The following TNFRSF21 variants were observed in gnomAD, a reference collection of about 807,000 sequenced individuals.
TNFRSF21 encodes the protein TNF receptor superfamily member 21.
Under a neutral mutation model 45.6 loss-of-function variants are expected in TNFRSF21, and 19 were observed. The ratio of observed to expected loss-of-function variants is 0.42; its 90% confidence interval spans 0.29 to 0.61. The LOEUF (loss-of-function observed/expected upper bound fraction) is 0.61, where lower values mean the gene tolerates loss of function less well. Among genes scored for constraint, TNFRSF21 ranks in the 20% least tolerant of loss-of-function variants. The pLI is 0.23. For missense variants in TNFRSF21, 737 were observed against 851.5 expected, an observed-to-expected ratio of 0.87 and a Z score of 1.67; for synonymous variants, 314 against 335.5, an observed-to-expected ratio of 0.94 and a Z score of 0.70.
In TNFRSF21 at chr6:47,286,174, C is replaced by T. The variant is rs770180427; in HGVS notation, c.518G>A (p.Arg173Gln). The change falls in exon 2 of 6, where the codon CGG (arginine) becomes CAG (glutamine). Residue 173 changes from arginine to glutamine, a missense_variant. Coordinates refer to ENST00000296861, the MANE Select transcript of TNFRSF21 (RefSeq NM_014452.5). The stretch of plus-strand genomic sequence containing the variant: ...AGAAGGCACATCTGAGAAGGTACCC[C>T]GAGCACACTGCTTACACCGCACATC... The part of the protein sequence containing the change: ...TEDVRCKQCA[R>Q]GTFSDVPSSV... The T allele has an allele frequency of 8.7e-6, 14 of 1,614,094 alleles. 1 individual carries two copies. The highest frequency in any genetic ancestry group is 5.5e-5 in the South Asian group (5 of 91,090).
chr6:47,293,464 G>C (rs192276628), intron 1 of TNFRSF21, among the ~76,000 whole-genome samples: 21 of 152,302 alleles, frequency 1.4e-4, no homozygotes, highest in African/African-American at 4.6e-4. Context: ...CTTATGGCCT[G>C]CAAACTTAAA....
At chr6:47,299,190 G>T (rs190485442) in intron 1 of TNFRSF21, among the ~76,000 whole-genome samples, 9 of 152,046 alleles carry the variant, frequency 5.9e-5, no homozygotes, top group Non-Finnish European at 7.4e-5. Context: ...AAAGAAAAAG[G>T]TTTAAAAATA....
At chr6:47,234,274 G>GC (rs1212403274) in intron 5 of TNFRSF21, among the ~76,000 whole-genome samples, 1 of 152,148 alleles carries the variant, frequency 6.6e-6, no homozygotes, top group Non-Finnish European at 1.5e-5. Context: ...GCTGCGCACG[G>GC]CCTAAAACCT....
intron 4 of TNFRSF21, among the ~76,000 whole-genome samples, chr6:47,249,773 A>G (rs555087968): frequency 4.6e-5 from 7 of 152,330 alleles, no homozygotes; most frequent in African/African-American, 1.7e-4. Context: ...AATGGTAAAA[A>G]GTACACATTT....
rs373034736 is a variant in TNFRSF21, at chr6:47,275,492, C to T, written c.1243+8446G>A. Among the ~76,000 whole-genome samples, 25 of 152,070 alleles carry T rather than the reference C, an allele frequency of 1.6e-4. 1 individual carries two copies. In the South Asian group the frequency reaches 3.3e-3, roughly 20 times the overall value. ...ACACAGGGTGGGGAACATCACCCACCGGGGCCTGTTGGGGGGTGGCGGACT... is the reference window on the plus strand; with the variant it reads ...ACACAGGGTGGGGAACATCACCCACTGGGGCCTGTTGGGGGGTGGCGGACT... On this transcript the variant is annotated intron_variant, in intron 3 of 5. Coordinates refer to ENST00000296861, the MANE Select transcript of TNFRSF21 (RefSeq NM_014452.5).
intron 4 of TNFRSF21, among the ~76,000 whole-genome samples, chr6:47,248,697 T>C (rs1050207617): frequency 1.3e-5 from 2 of 152,346 alleles, no homozygotes; most frequent in East Asian, 3.9e-4. Flanking sequence ...TGAACCCAGA[T>C]AGCACTTCCT....
At chr6:47,244,728 T>A (rs919954949) in intron 4 of TNFRSF21, among the ~76,000 whole-genome samples, 1 of 152,200 alleles carries the variant, frequency 6.6e-6, no homozygotes, top group Admixed American at 6.5e-5. Flanking sequence ...GGCAATTGTT[T>A]ATTAAAAAAC....
At chr6:47,301,158 TG>T (rs1177284126) in intron 1 of TNFRSF21, among the ~76,000 whole-genome samples, 19 of 152,378 alleles carry the variant, frequency 1.2e-4, no homozygotes, top group Admixed American at 1.2e-3. Context: ...TGAGATGTAA[TG>T]CTAGCTCCAA....
chr6:47,252,154 G>A (rs990298344), intron 4 of TNFRSF21, among the ~76,000 whole-genome samples: 14 of 152,198 alleles, frequency 9.2e-5, no homozygotes, highest in Admixed American at 5.2e-4. Flanking sequence ...ATACTTAAAC[G>A]TAAGTATAAA....
chr6:47,261,857 T>C (rs1433948458), intron 3 of TNFRSF21, among the ~76,000 whole-genome samples: 2 of 152,234 alleles, frequency 1.3e-5, no homozygotes, highest in South Asian at 2.1e-4. Flanking sequence ...CTGTGTTTCA[T>C]AGTAACCAGT....
At chr6:47,272,569 A>T (rs890225627) in intron 3 of TNFRSF21, among the ~76,000 whole-genome samples, 1 of 152,248 alleles carries the variant, frequency 6.6e-6, no homozygotes, top group Non-Finnish European at 1.5e-5. Context: ...AGCAGGAAAG[A>T]TCTAAAATCA....
intron 3 of TNFRSF21, among the ~76,000 whole-genome samples, chr6:47,278,971 A>T (rs1280383705): frequency 2.6e-5 from 4 of 152,190 alleles, no homozygotes; most frequent in Non-Finnish European, 4.4e-5. Context: ...GGTTTAAACG[A>T]GGTATACCCA....
chr6:47,254,017 A>C (rs1341312011), intron 3 of TNFRSF21, among the ~76,000 whole-genome samples: 1 of 152,090 alleles, frequency 6.6e-6, no homozygotes, highest in African/African-American at 2.4e-5. Flanking sequence ...CTCAGCATAC[A>C]ATTGACTTTT....
intron 3 of TNFRSF21, among the ~76,000 whole-genome samples, chr6:47,263,944 A>G (rs144533579): frequency 1.6e-3 from 248 of 152,326 alleles, no homozygotes; most frequent in Middle Eastern, 0.01. Flanking sequence ...TTAAAATTTG[A>G]CACAACATCA....
chr6:47,294,607 C>T (rs1762770915), intron 1 of TNFRSF21, among the ~76,000 whole-genome samples: 1 of 152,198 alleles, frequency 6.6e-6, no homozygotes, highest in Non-Finnish European at 1.5e-5. Context: ...AACAGAACTA[C>T]AAATGGCTTA....
rs117103849 is a variant in TNFRSF21, at chr6:47,275,898, C to T, written c.1243+8040G>A. The stretch of plus-strand genomic sequence containing the variant: ...CTCTGACTGGCAGCGCAGTGTTCTC[C>T]ACCCTACAGCACATTGCAGGACCCC... On this transcript the variant is annotated intron_variant, in intron 3 of 5. Coordinates refer to ENST00000296861, the MANE Select transcript of TNFRSF21 (RefSeq NM_014452.5). Among the ~76,000 whole-genome samples the T allele has an allele frequency of 1.1e-4, 17 of 152,254 alleles. No individual in the cohort carries two copies. In the East Asian group the frequency reaches 3.3e-3, roughly 29 times the overall value.
At chr6:47,242,381 G>A (rs1277306692) in intron 4 of TNFRSF21, among the ~76,000 whole-genome samples, 1 of 152,194 alleles carries the variant, frequency 6.6e-6, no homozygotes, top group Non-Finnish European at 1.5e-5. Context: ...AATCAAGGTA[G>A]TTGGCTATAA....
At chr6:47,251,118 C>G (rs2113849052) in intron 4 of TNFRSF21, among the ~76,000 whole-genome samples, 1 of 152,204 alleles carries the variant, frequency 6.6e-6, no homozygotes, top group Middle Eastern at 3.4e-3. Context: ...CAGTCCCAAG[C>G]ATATCAGATA....
rs1319621285 is a variant in TNFRSF21, at chr6:47,232,197, C to T, written c.*568G>A. On this transcript the variant is annotated 3_prime_UTR_variant, in exon 6 of 6. Coordinates refer to ENST00000296861, the MANE Select transcript of TNFRSF21 (RefSeq NM_014452.5). The stretch of plus-strand genomic sequence containing the variant: ...TCAAAGTTGAATTGCATTACAGTAA[C>T]TCAATGGGGTCTTAAATTTTCTTAA... The T allele has an allele frequency of 6.6e-6, 1 of 152,608 alleles. No homozygotes were observed. The highest frequency in any genetic ancestry group is 1.5e-5 in the Non-Finnish European group (1 of 68,248). The allele number at this position is 152,608 out of a possible 1,614,324, so 9.5% of individuals were successfully genotyped here. A position where few individuals can be genotyped will look rare whatever the true frequency, so the allele number is the denominator to read the frequency against.
Sources: allele counts gnomAD v4.1 joint callset (sites outside exome capture counted in the v4.1 genomes callset), GRCh38; gene constraint gnomAD v4.1.1; transcripts MANE v1.5; gene names NCBI Gene and HGNC (gene_info 2026-07-23, HGNC 2026-07-21).